The following STK38L variants were observed in gnomAD, a reference collection of about 807,000 sequenced individuals.
STK38L encodes serine/threonine-protein kinase 38-like.
A neutral mutation model predicts 59.7 loss-of-function variants in STK38L; 28 were observed. The observed-to-expected ratio is 0.47, with a 90% CI of 0.35 to 0.64. The LOEUF (loss-of-function observed/expected upper bound fraction) is 0.64. STK38L is among the 30% of genes least tolerant of loss of function. The probability of loss-of-function intolerance (pLI) is 0.01; values close to 1 mark genes in which losing one functional copy is unlikely to be tolerated. For missense variants in STK38L, 314 were observed against 555.8 expected (o/e 0.56, Z 4.37); for synonymous variants, 162 against 176.8 (o/e 0.92, Z 0.66).
intron 1 of STK38L, among the ~76,000 whole-genome samples, chr12:27,270,304 C>T (rs1220872580): frequency 6.6e-6 from 1 of 151,986 alleles, no homozygotes; most frequent in African/African-American, 2.4e-5. Context: ...ACCTCCCAGG[C>T]CCAGGCGATC....
At position 27,308,891 on chromosome 12, in the gene STK38L, AATATATAAAT is replaced by A. The variant is rs1245936044; in HGVS notation, c.310-206_310-197del. 2.2e-4 allele frequency among the ~76,000 whole-genome samples: 32 copies of A among 145,216 alleles called. No individual in the cohort carries two copies. Among genetic ancestry groups the A allele is most frequent in the Middle Eastern group, 3.6e-3 (1 of 278 alleles). On this transcript the variant is annotated intron_variant, in intron 4 of 13. Coordinates refer to ENST00000389032, the MANE Select transcript of STK38L (RefSeq NM_015000.4). This position sits in a 1 kb window ranked among gnomAD's most constrained non-coding sequence, Gnocchi z 4.5. ...ATAAATATAAATATATATAAATGTA[AATATATAAAT>A]ATATATAAATATATATTAATATATA...
At chr12:27,266,653 G>A (rs1167123365) in intron 1 of STK38L, among the ~76,000 whole-genome samples, 12 of 152,176 alleles carry the variant, frequency 7.9e-5, no homozygotes, top group African/African-American at 1.4e-4. Flanking sequence ...CAGGATTTAG[G>A]TCAGCTACTG....
chr12:27,269,957 A>T (rs772817868), intron 1 of STK38L, among the ~76,000 whole-genome samples: 8 of 152,184 alleles, frequency 5.3e-5, no homozygotes, highest in Non-Finnish European at 1.2e-4. Flanking sequence ...TTCAATCGTA[A>T]GTACCCTTTT....
In STK38L at chr12:27,315,043, T is replaced by A; in HGVS notation, c.701T>A (p.Leu234Ter). 6.2e-7 allele frequency: 1 copy of A among 1,611,136 alleles called. No individual in the cohort carries two copies. Among genetic ancestry groups the A allele is most frequent in the Non-Finnish European group, 8.5e-7 (1 of 1,179,228 alleles). Residue 234 changes from leucine (L) to a stop codon, truncating the protein, a stop_gained, in exon 8 of 14, where the codon TTA becomes TAA. Transcript: ENST00000389032. LOFTEE classifies it high-confidence loss of function. ...CATGTAAAATTATCTGATTTTGGTT[T>A]ATGTACGGGATTAAAGAAAGCTCAC... The part of the protein sequence containing the change: ...KGHVKLSDFG[L>*]CTGLKKAHRT...
At chr12:27,287,252 C>T (rs1465841322) in intron 1 of STK38L, among the ~76,000 whole-genome samples, 1 of 152,032 alleles carries the variant, frequency 6.6e-6, no homozygotes, top group Non-Finnish European at 1.5e-5. Flanking sequence ...ACTACAGGCG[C>T]ATGCCTCATG....
At chr12:27,289,793 T>C (rs1943856084) in intron 1 of STK38L, among the ~76,000 whole-genome samples, 1 of 152,250 alleles carries the variant, frequency 6.6e-6, no homozygotes, top group African/African-American at 2.4e-5. Flanking sequence ...GGAACACCTC[T>C]ACCTCTAGTT....
intron 12 of STK38L, among the ~76,000 whole-genome samples, chr12:27,321,705 A>G (rs1481314589): frequency 6.6e-6 from 1 of 152,206 alleles, no homozygotes; most frequent in Non-Finnish European, 1.5e-5. Context: ...AATAGAATGA[A>G]TAAGACCTAT....
chr12:27,322,379 A>G lies in STK38L; in HGVS notation c.1319A>G (p.Asn440Ser). 2.5e-6 allele frequency: 4 copies of G among 1,614,070 alleles called. No individual in the cohort carries two copies. The highest frequency in any genetic ancestry group is 1.1e-5 in the South Asian group (1 of 91,082). ...DYKSKDWVFLNYTYKRFEGLT... is the reference protein window; with the variant it reads ...DYKSKDWVFLSYTYKRFEGLT... ...AAATCCAAAGACTGGGTTTTTCTCA[A>G]TTATACCTATAAAAGGTTTGAAGGG... Residue 440 changes from asparagine to serine, a missense_variant, in exon 14 of 14, where the codon AAT (asparagine) becomes AGT (serine). By Grantham distance (46) the Asn-to-Ser change is conservative. Around this residue, in one of 3 missense-constraint regions of STK38L, gnomAD observed 94 missense variants for 142.2 expected, o/e 0.66. Transcript: ENST00000389032.
At chr12:27,255,336 A>G (rs1393002800) in intron 1 of STK38L, among the ~76,000 whole-genome samples, 1 of 152,096 alleles carries the variant, frequency 6.6e-6, no homozygotes, top group Non-Finnish European at 1.5e-5. Context: ...TAAACCAAGT[A>G]CTCTCTCCCT....
intron 1 of STK38L, chr12:27,245,830 G>T (rs1942839081): frequency 6.6e-6 from 1 of 152,042 alleles, no homozygotes; most frequent in African/African-American, 2.4e-5. Flanking sequence ...AAATGTTTTG[G>T]TTTGACCTCA....
intron 5 of STK38L, 123 bp from the exon 6 acceptor site, chr12:27,312,426 A>G: frequency 9.6e-7 from 1 of 1,042,082 alleles, no homozygotes; most frequent in Non-Finnish European, 1.4e-6. Flanking sequence ...TCATACATGT[A>G]TCAAATCTTC....
rs367575824 is a variant in STK38L at position 27,304,982 on chromosome 12, T to C, written c.186+2794T>C. Among the ~76,000 whole-genome samples, 131 of 152,366 alleles carry C rather than the reference T, an allele frequency of 8.6e-4. 2 individuals are homozygous for C. The South Asian group carries it at 0.023, about 27-fold the overall frequency. On this transcript the variant is annotated intron_variant, in intron 3 of 13. Transcript: ENST00000389032. ...AATATTGATCCTTACAGTTTATCTG[T>C]TGGCAAAGACATGCCACTTTTCACA... is the stretch of plus-strand genomic sequence containing the variant.
rs193196724 is a variant in STK38L, at chr12:27,281,953, T to C, written c.-11-15757T>C. ...TGGGAGGCTGATACCGGAGAATTGC[T>C]TTAACCCGGGAGGCTGAGGCTGCAG... On this transcript the variant is annotated intron_variant, in intron 1 of 13. Transcript: ENST00000389032. 2.7e-4 allele frequency among the ~76,000 whole-genome samples: 41 copies of C among 152,216 alleles called. No homozygotes were observed. The East Asian group carries it at 5.0e-3, about 19-fold the overall frequency.
At chr12:27,311,383 T>G (rs1240850637) in intron 5 of STK38L, among the ~76,000 whole-genome samples, 3 of 152,242 alleles carry the variant, frequency 2.0e-5, no homozygotes, top group Non-Finnish European at 2.9e-5. Context: ...TATGACACTT[T>G]AAGCAGATCA....
intron 1 of STK38L, among the ~76,000 whole-genome samples, chr12:27,270,324 C>T (rs1276141394): frequency 6.6e-6 from 1 of 152,160 alleles, no homozygotes; most frequent in Non-Finnish European, 1.5e-5. Context: ...CCTCCCACCT[C>T]AGCCTGCCAA....
At chr12:27,268,280 C>T (rs1943342786) in intron 1 of STK38L, among the ~76,000 whole-genome samples, 1 of 152,056 alleles carries the variant, frequency 6.6e-6, no homozygotes, top group Non-Finnish European at 1.5e-5. Flanking sequence ...CCCCCCACCC[C>T]ACAACAGGCC....
intron 1 of STK38L, among the ~76,000 whole-genome samples, chr12:27,289,230 G>A (rs192503096): frequency 6.6e-6 from 1 of 152,242 alleles, no homozygotes; most frequent in Non-Finnish European, 1.5e-5. Flanking sequence ...GAAAGACAGG[G>A]TGATAGTTTA....
At chr12:27,317,839 T>TATAA in intron 10 of STK38L, 57 bp from the exon 11 acceptor site, 2 of 1,604,972 alleles carry the variant, frequency 1.2e-6, no homozygotes, top group Non-Finnish European at 8.5e-7. Flanking sequence ...GTTTGGTGGG[T>TATAA]ATAAACTTCA....
At chr12:27,301,560 G>A (rs1018311258) in intron 2 of STK38L, among the ~76,000 whole-genome samples, 5 of 152,064 alleles carry the variant, frequency 3.3e-5, no homozygotes, top group South Asian at 2.1e-4. Context: ...GCACCCGGCC[G>A]CTGGTGGGTT....
Sources: gnomAD v4.1 joint callset for allele counts (sites outside exome capture counted in the v4.1 genomes callset) on GRCh38, gnomAD v4.1.1 for gene constraint, gnomAD v4.1.1 regional missense constraint, Gnocchi (gnomAD v3.1) non-coding constraint, MANE v1.5 for transcripts, NCBI Gene and HGNC (gene_info 2026-07-23, HGNC 2026-07-21) for gene names.